The following NKAIN2 variants were observed in gnomAD, a reference collection of about 807,000 sequenced individuals.
The protein encoded by NKAIN2 is sodium/potassium-transporting ATPase subunit beta-1-interacting protein 2.
A neutral mutation model predicts 32.6 loss-of-function variants in NKAIN2; 14 were observed. That is an observed-to-expected ratio of 0.43 (90% CI 0.28 to 0.67). The LOEUF (loss-of-function observed/expected upper bound fraction) is 0.67. Ranked by LOEUF, NKAIN2 falls within the 30% of genes least tolerant of loss-of-function variation. The pLI is 0.17. For missense variants in NKAIN2, 198 were observed against 258.3 expected (o/e 0.77, Z 1.60); for synonymous variants, 80 against 87.2 (o/e 0.92, Z 0.46).
At chr6:124,337,043 TA>T (rs1394775027) in intron 2 of NKAIN2, among the ~76,000 whole-genome samples, 1 of 152,182 alleles carries the variant, frequency 6.6e-6, no homozygotes, top group East Asian at 1.9e-4. Context: ...CTTTTGTTGA[TA>T]GTCACTGGAG....
At chr6:124,417,815 T>A (rs1774563457) in intron 3 of NKAIN2, among the ~76,000 whole-genome samples, 2 of 152,172 alleles carry the variant, frequency 1.3e-5, no homozygotes. Flanking sequence ...CATTCTCTAT[T>A]TTACTTTCTC....
chr6:124,768,238 A>C (rs1778596995), intron 4 of NKAIN2, among the ~76,000 whole-genome samples: 1 of 152,210 alleles, frequency 6.6e-6, no homozygotes, highest in African/African-American at 2.4e-5. Context: ...GTAATGTGTG[A>C]AAGTATTGAG....
intron 3 of NKAIN2, among the ~76,000 whole-genome samples, chr6:124,424,103 C>G (rs957191896): frequency 2.6e-5 from 4 of 152,110 alleles, no homozygotes; most frequent in African/African-American, 7.2e-5. Context: ...ACGCCGTTCT[C>G]CTGTCTCAGC....
chr6:124,605,534 C>T (rs775667744), intron 3 of NKAIN2, among the ~76,000 whole-genome samples: 10 of 151,756 alleles, frequency 6.6e-5, no homozygotes, highest in African/African-American at 2.2e-4. Flanking sequence ...GGGAAAAGAC[C>T]GATGTTGGTT....
intron 3 of NKAIN2, among the ~76,000 whole-genome samples, chr6:124,526,850 G>A (rs1779335506): frequency 6.6e-6 from 1 of 152,070 alleles, no homozygotes; most frequent in Non-Finnish European, 1.5e-5. Flanking sequence ...TGTATGTGAT[G>A]AGTTTATATG....
At chr6:124,336,682 GT>G (rs71543265) in intron 2 of NKAIN2, among the ~76,000 whole-genome samples, 1 of 142,362 alleles carries the variant, frequency 7.0e-6, no homozygotes. Context: ...TTTTTTGTTT[GT>G]TTTTTTTTTG....
At chr6:124,451,245 A>G (rs1391728272) in intron 3 of NKAIN2, among the ~76,000 whole-genome samples, 1 of 152,148 alleles carries the variant, frequency 6.6e-6, no homozygotes, top group Non-Finnish European at 1.5e-5. Flanking sequence ...ATTACTGGCA[A>G]TGTTGTTTTA....
At chr6:124,465,258 TA>T (rs201351538) in intron 3 of NKAIN2, among the ~76,000 whole-genome samples, 1,997 of 152,144 alleles carry the variant, frequency 0.013, 40 homozygotes, top group African/African-American at 0.045. Flanking sequence ...GTAGACTGGA[TA>T]AAGACAATGT....
intron 1 of NKAIN2, among the ~76,000 whole-genome samples, chr6:123,976,266 T>TATATA (rs1778571078): frequency 1.0e-5 from 1 of 95,290 alleles, no homozygotes; most frequent in African/African-American, 3.6e-5. Context: ...TATATATATG[T>TATATA]TTCCATATAT....
At chr6:123,956,195 A>G (rs1777582043) in intron 1 of NKAIN2, among the ~76,000 whole-genome samples, 1 of 152,210 alleles carries the variant, frequency 6.6e-6, no homozygotes, top group South Asian at 2.1e-4. Flanking sequence ...AAAGGAAGGA[A>G]AAAAGGAAAA....
chr6:124,586,402 C>T (rs1457364342), intron 3 of NKAIN2, among the ~76,000 whole-genome samples: 1 of 152,088 alleles, frequency 6.6e-6, no homozygotes, highest in East Asian at 1.9e-4. Context: ...ATAGAGTACA[C>T]ACAGACACAA....
chr6:124,485,133 A>T (rs1019296180), intron 3 of NKAIN2, among the ~76,000 whole-genome samples: 4 of 152,136 alleles, frequency 2.6e-5, no homozygotes, highest in African/African-American at 7.2e-5. Flanking sequence ...GGTTCTTGCT[A>T]TTTCCTACAT....
At chr6:123,817,889 G>A (rs1007052703) in intron 1 of NKAIN2, among the ~76,000 whole-genome samples, 8 of 152,158 alleles carry the variant, frequency 5.3e-5, no homozygotes, top group Admixed American at 5.2e-4. Flanking sequence ...GAGAGGCAAT[G>A]TTGAATCTAG....
intron 2 of NKAIN2, among the ~76,000 whole-genome samples, chr6:124,308,636 G>T (rs565327832): frequency 6.6e-6 from 1 of 151,930 alleles, no homozygotes; most frequent in Non-Finnish European, 1.5e-5. Context: ...ATTTAATCTC[G>T]GCACTTTCTT....
chr6:124,629,015 T>G (rs1294476241), intron 3 of NKAIN2, among the ~76,000 whole-genome samples: 1 of 152,118 alleles, frequency 6.6e-6, no homozygotes, highest in Non-Finnish European at 1.5e-5. Flanking sequence ...CCAGTCGTTT[T>G]TGCACTTATC....
intron 3 of NKAIN2, among the ~76,000 whole-genome samples, chr6:124,575,575 A>G (rs1022603868): frequency 5.9e-5 from 9 of 152,172 alleles, no homozygotes; most frequent in African/African-American, 9.7e-5. Flanking sequence ...TGCTCTGTCT[A>G]GTGACATAGC....
intron 1 of NKAIN2, among the ~76,000 whole-genome samples, chr6:123,897,940 A>G (rs1004550733): frequency 3.9e-5 from 6 of 152,230 alleles, no homozygotes; most frequent in African/African-American, 1.4e-4. Flanking sequence ...ATGTGCAGAA[A>G]GTTTGCATGT....
intron 1 of NKAIN2, among the ~76,000 whole-genome samples, chr6:123,818,400 CAG>C (rs1364030045): frequency 4.4e-5 from 6 of 135,566 alleles, no homozygotes; most frequent in African/African-American, 1.1e-4. Context: ...CACACACACA[CAG>C]AGGAATCATA....
intron 3 of NKAIN2, among the ~76,000 whole-genome samples, chr6:124,589,971 A>G (rs1781848984): frequency 6.6e-6 from 1 of 152,052 alleles, no homozygotes; most frequent in African/African-American, 2.4e-5. Context: ...TTCCCTCAAT[A>G]TGCAGCAAAA....
Sources: gnomAD v4.1 joint callset for allele counts (sites outside exome capture counted in the v4.1 genomes callset) on GRCh38, gnomAD v4.1.1 for gene constraint, MANE v1.5 for transcripts, NCBI Gene and HGNC (gene_info 2026-07-23, HGNC 2026-07-21) for gene names.